KCNH7: variants seen among roughly 807,000 people sequenced by gnomAD.
KCNH7 encodes the protein voltage-gated inwardly rectifying potassium channel KCNH7.
Under a neutral mutation model 120.8 loss-of-function variants are expected in KCNH7, and 49 were observed. The ratio of observed to expected loss-of-function variants is 0.41; its 90% CI spans 0.32 to 0.51. The LOEUF (loss-of-function observed/expected upper bound fraction) is 0.51. Among genes scored for constraint, KCNH7 ranks in the 20% least tolerant of loss-of-function variants. The pLI is 0.38. For synonymous variants in KCNH7, 547 were observed against 516.1 expected (o/e 1.06, Z -0.81); for missense variants, 1,097 against 1,446.6 (o/e 0.76, Z 3.92).
intron 2 of KCNH7, among the ~76,000 whole-genome samples, chr2:162,652,499 T>C (rs560372354): frequency 2.0e-5 from 3 of 152,280 alleles, no homozygotes; most frequent in South Asian, 2.1e-4. Flanking sequence ...TCTCAGATCA[T>C]TGGGCATTAG....
chr2:162,518,385 T>C lies in KCNH7; in HGVS notation c.464-227A>G, dbSNP rs188461208. Among the ~76,000 whole-genome samples the C allele has an allele frequency of 3.1e-4, 47 of 151,944 alleles. 1 individual carries two copies. Among genetic ancestry groups the C allele is most frequent in the African/African-American group, 1.1e-3 (45 of 41,518 alleles). ...TTTTATCATATTTCTGATGATTAGA[T>C]CCACATCAGTGACATAAAAGTATTT... On this transcript the variant is annotated intron_variant, in intron 3 of 15. Transcript: ENST00000332142.
intron 3 of KCNH7, among the ~76,000 whole-genome samples, chr2:162,523,648 T>G (rs1351424627): frequency 6.6e-6 from 1 of 151,816 alleles, no homozygotes; most frequent in African/African-American, 2.4e-5. Flanking sequence ...TTCAACCAAT[T>G]CTTCTAACTT....
intron 6 of KCNH7, among the ~76,000 whole-genome samples, chr2:162,478,280 C>T (rs1294012709): frequency 6.6e-6 from 1 of 152,124 alleles, no homozygotes; most frequent in Admixed American, 6.5e-5. Flanking sequence ...AGTACTCCAC[C>T]TCTCCCCAGT....
chr2:162,648,775 CA>C (rs1684467633), intron 2 of KCNH7, among the ~76,000 whole-genome samples: 1 of 151,972 alleles, frequency 6.6e-6, no homozygotes, highest in African/African-American at 2.4e-5. Context: ...ACCACCCCCC[CA>C]AAAAAATTTT....
chr2:162,384,646 T>A, intron 13 of KCNH7, 42 bp downstream of exon 13: 4 of 1,584,334 alleles, frequency 2.5e-6, no homozygotes, highest in Non-Finnish European at 3.4e-6. Flanking sequence ...ATTTTGTGAT[T>A]AGCACTGAAG....
At chr2:162,770,351 T>G (rs1375086984) in intron 2 of KCNH7, among the ~76,000 whole-genome samples, 3 of 150,516 alleles carry the variant, frequency 2.0e-5, no homozygotes. Context: ...TTCATATATA[T>G]ACATATTTTC....
intron 11 of KCNH7, among the ~76,000 whole-genome samples, chr2:162,396,259 T>G (rs973884723): frequency 6.6e-6 from 1 of 151,854 alleles, no homozygotes; most frequent in Non-Finnish European, 1.5e-5. Flanking sequence ...AATTTGTACT[T>G]CTGTGATTTG....
chr2:162,758,687 T>C (rs1011197789), intron 2 of KCNH7, among the ~76,000 whole-genome samples: 1 of 152,156 alleles, frequency 6.6e-6, no homozygotes, highest in Non-Finnish European at 1.5e-5. Flanking sequence ...TGATAAAGCA[T>C]TACATTCTGT....
At chr2:162,786,915 C>G (rs146719376) in intron 2 of KCNH7, among the ~76,000 whole-genome samples, 1 of 152,128 alleles carries the variant, frequency 6.6e-6, no homozygotes. Context: ...GAGCGAAGCA[C>G]GAGAATAAGA....
intron 2 of KCNH7, among the ~76,000 whole-genome samples, chr2:162,604,973 C>T (rs1694681958): frequency 1.3e-5 from 2 of 151,988 alleles, no homozygotes; most frequent in Admixed American, 6.6e-5. Context: ...TACTTGTATT[C>T]AACATTAATA....
chr2:162,647,666 T>C (rs1220498823), intron 2 of KCNH7, among the ~76,000 whole-genome samples: 2 of 152,170 alleles, frequency 1.3e-5, no homozygotes, highest in African/African-American at 4.8e-5. Flanking sequence ...TGCCACCATT[T>C]AAGACGTGAC....
chr2:162,449,294 G>A (rs1688686715), intron 6 of KCNH7, among the ~76,000 whole-genome samples: 1 of 151,990 alleles, frequency 6.6e-6, no homozygotes, highest in South Asian at 2.1e-4. Flanking sequence ...TAAAAGGAAA[G>A]ACAATTATTG....
At chr2:162,464,338 G>A (rs1158452747) in intron 6 of KCNH7, among the ~76,000 whole-genome samples, 1 of 151,748 alleles carries the variant, frequency 6.6e-6, no homozygotes, top group African/African-American at 2.4e-5. Flanking sequence ...AATTTTTTTA[G>A]CTTTGACATT....
intron 2 of KCNH7, among the ~76,000 whole-genome samples, chr2:162,787,094 C>A (rs914870772): frequency 5.9e-5 from 9 of 152,342 alleles, no homozygotes; most frequent in Admixed American, 1.3e-4. Flanking sequence ...CTCCAGTTAA[C>A]CCTGGTGCCA....
chr2:162,481,178 A>G (rs1161148741), intron 6 of KCNH7, among the ~76,000 whole-genome samples: 2 of 152,192 alleles, frequency 1.3e-5, no homozygotes, highest in Non-Finnish European at 2.9e-5. Context: ...CCACTCAACT[A>G]GATGGCAGGG....
intron 2 of KCNH7, among the ~76,000 whole-genome samples, chr2:162,633,852 A>G (rs1683850160): frequency 6.6e-6 from 1 of 152,010 alleles, no homozygotes; most frequent in Admixed American, 6.6e-5. Flanking sequence ...GAAATTCTCC[A>G]CAGGCCATTC....
At chr2:162,655,830 T>A (rs868385425) in intron 2 of KCNH7, among the ~76,000 whole-genome samples, 1 of 152,096 alleles carries the variant, frequency 6.6e-6, no homozygotes, top group African/African-American at 2.4e-5. Flanking sequence ...TGTGGTCATA[T>A]TTTGAGATAG....
chr2:162,670,184 T>C (rs1191094315), intron 2 of KCNH7, among the ~76,000 whole-genome samples: 1 of 150,440 alleles, frequency 6.6e-6, no homozygotes. Flanking sequence ...AGAAAAGATA[T>C]CCAGTTGGTC....
In KCNH7 at chr2:162,830,047, C is replaced by G. The variant is rs374334861; in HGVS notation, c.307+6490G>C. On this transcript the variant is annotated intron_variant, in intron 2 of 15. Transcript: ENST00000332142. ...TACAATAATGCGTAATAACAAGGAG[C>G]ACTCTTCAGAGGCTACCCTGGAGCC... Among the ~76,000 whole-genome samples, 40 of 152,162 alleles carry G rather than the reference C, an allele frequency of 2.6e-4. No individual in the cohort carries two copies. The South Asian group carries it at 8.1e-3, about 31-fold the overall frequency.
Sources: gnomAD v4.1 joint callset for allele counts (sites outside exome capture counted in the v4.1 genomes callset) on GRCh38, gnomAD v4.1.1 for gene constraint, MANE v1.5 for transcripts, NCBI Gene and HGNC (gene_info 2026-07-23, HGNC 2026-07-21) for gene names.